The following CHCHD6 variants were observed in gnomAD, a reference collection of about 807,000 sequenced individuals.
CHCHD6 encodes the protein MICOS complex subunit MIC25.
Under a neutral mutation model 32.3 loss-of-function variants are expected in CHCHD6, and 28 were observed. The observed-to-expected ratio is 0.87, with a 90% CI of 0.64 to 1.19. The LOEUF is 1.19. CHCHD6 is among the 50% of genes most tolerant of loss of function. CHCHD6 has a pLI of 0.00. For missense variants in CHCHD6, 333 were observed against 307.0 expected (o/e 1.08, Z -0.63); for synonymous variants, 122 against 117.5 (o/e 1.04, Z -0.25).
intron 4 of CHCHD6, among the ~76,000 whole-genome samples, chr3:126,827,687 G>A (rs1322700166): frequency 6.6e-6 from 1 of 152,190 alleles, no homozygotes; most frequent in African/African-American, 2.4e-5. Flanking sequence ...CACTATTGTT[G>A]TTACAAAGTT....
At chr3:126,706,829 G>A (rs1934509001) in intron 1 of CHCHD6, among the ~76,000 whole-genome samples, 1 of 152,126 alleles carries the variant, frequency 6.6e-6, no homozygotes, top group Admixed American at 6.5e-5. Flanking sequence ...AGTTGCCAAA[G>A]GGAACAAATC....
intron 1 of CHCHD6, among the ~76,000 whole-genome samples, chr3:126,710,588 A>G (rs1345693410): frequency 1.3e-5 from 2 of 152,204 alleles, no homozygotes; most frequent in South Asian, 2.1e-4. Flanking sequence ...CTCTTCATTC[A>G]TTAGATCTTT....
chr3:126,813,045 C>A (rs75073879), intron 4 of CHCHD6, among the ~76,000 whole-genome samples: 1 of 152,038 alleles, frequency 6.6e-6, no homozygotes, highest in Non-Finnish European at 1.5e-5. Flanking sequence ...CATAGTGCTG[C>A]GGAAGGATAT....
At chr3:126,719,019 G>A (rs1054477791) in intron 1 of CHCHD6, among the ~76,000 whole-genome samples, 13 of 152,142 alleles carry the variant, frequency 8.5e-5, no homozygotes, top group African/African-American at 2.9e-4. Flanking sequence ...TGCCCCCTGG[G>A]GTTGCAGCTG....
chr3:126,738,250 G>C (rs186470642), intron 4 of CHCHD6, among the ~76,000 whole-genome samples: 1 of 152,276 alleles, frequency 6.6e-6, no homozygotes, highest in African/African-American at 2.4e-5. Flanking sequence ...TCAACCCACT[G>C]TGGATCGAAG....
intron 5 of CHCHD6, among the ~76,000 whole-genome samples, chr3:126,854,616 A>T (rs1941593425): frequency 6.6e-6 from 1 of 152,138 alleles, no homozygotes; most frequent in Non-Finnish European, 1.5e-5. Context: ...TCATTTGTTG[A>T]ATACTCGCAG....
At chr3:126,739,418 T>C (rs889454510) in intron 4 of CHCHD6, among the ~76,000 whole-genome samples, 2 of 152,212 alleles carry the variant, frequency 1.3e-5, no homozygotes, top group Non-Finnish European at 2.9e-5. Context: ...AAAAAGAGAC[T>C]GTGTACTGGA....
chr3:126,846,766 A>C (rs1414400184), intron 4 of CHCHD6, among the ~76,000 whole-genome samples: 2 of 152,256 alleles, frequency 1.3e-5, no homozygotes, highest in East Asian at 3.9e-4. Context: ...CTGGGCCATT[A>C]ATGTGTCTGG....
chr3:126,755,135 G>C (rs919079044), intron 4 of CHCHD6, among the ~76,000 whole-genome samples: 1 of 152,236 alleles, frequency 6.6e-6, no homozygotes, highest in Non-Finnish European at 1.5e-5. Flanking sequence ...TGCCAGCCAA[G>C]AACATGAGGA....
At chr3:126,863,392 A>ACCT (rs1387679444) in intron 5 of CHCHD6, among the ~76,000 whole-genome samples, 1 of 83,798 alleles carries the variant, frequency 1.2e-5, no homozygotes. Context: ...TACCATCACC[A>ACCT]CCTCCTCCTC....
chr3:126,869,288 C>CTT (rs58408227), intron 5 of CHCHD6, among the ~76,000 whole-genome samples: 2,395 of 108,608 alleles, frequency 0.022, 78 homozygotes, highest in African/African-American at 0.052. Context: ...CACCAGTCTC[C>CTT]TTTTTTTTTT....
chr3:126,747,756 C>G (rs1371860032), intron 4 of CHCHD6, among the ~76,000 whole-genome samples: 1 of 152,200 alleles, frequency 6.6e-6, no homozygotes, highest in Non-Finnish European at 1.5e-5. Context: ...CAGCACCCTC[C>G]TTCCCTTCAT....
At chr3:126,717,497 G>A (rs964775445) in intron 1 of CHCHD6, among the ~76,000 whole-genome samples, 2 of 152,140 alleles carry the variant, frequency 1.3e-5, no homozygotes, top group Non-Finnish European at 2.9e-5. Context: ...AAACCCATAC[G>A]GTGGCATGCA....
intron 1 of CHCHD6, among the ~76,000 whole-genome samples, chr3:126,704,714 C>A (rs1199334068): frequency 6.6e-6 from 1 of 152,160 alleles, no homozygotes; most frequent in Admixed American, 6.5e-5. Flanking sequence ...AATTTGCGCC[C>A]GGCCTCCCAG....
At chr3:126,795,280 T>TA (rs938774259) in intron 4 of CHCHD6, among the ~76,000 whole-genome samples, 1 of 152,236 alleles carries the variant, frequency 6.6e-6, no homozygotes, top group Non-Finnish European at 1.5e-5. Context: ...ATTCTGTTTT[T>TA]ACCTCAGCTT....
At chr3:126,720,224 A>G (rs1466296690) in intron 1 of CHCHD6, among the ~76,000 whole-genome samples, 2 of 152,122 alleles carry the variant, frequency 1.3e-5, no homozygotes, top group African/African-American at 4.8e-5. Flanking sequence ...CTGGTCACGC[A>G]GCCCTTTTCC....
intron 5 of CHCHD6, among the ~76,000 whole-genome samples, chr3:126,877,650 A>G (rs1158435941): frequency 2.0e-5 from 3 of 152,240 alleles, no homozygotes; most frequent in Non-Finnish European, 2.9e-5. Flanking sequence ...ACAACCACAC[A>G]GAAGGAAAAA....
chr3:126,781,228 T>A (rs1365556182), intron 4 of CHCHD6, among the ~76,000 whole-genome samples: 2 of 152,126 alleles, frequency 1.3e-5, no homozygotes, highest in East Asian at 3.9e-4. Context: ...AGGGCGCCAA[T>A]GAACAGTGTC....
At position 126,796,584 on chromosome 3, in the gene CHCHD6, A is replaced by G. The variant is rs755992061; in HGVS notation, c.412-56063A>G. Reference sequence around the variant, plus strand: ...ATCCTCGTCCACACCATGGAGTATCAGTGTACAGTGGCTCCCAAGGCTGTA... The same window carrying G: ...ATCCTCGTCCACACCATGGAGTATCGGTGTACAGTGGCTCCCAAGGCTGTA... On this transcript the variant is annotated intron_variant, in intron 4 of 7. Transcript: ENST00000290913. Among the ~76,000 whole-genome samples the G allele has an allele frequency of 3.3e-5, 5 of 152,138 alleles. No homozygotes were observed. In the East Asian group the frequency reaches 9.6e-4, roughly 29 times the overall value.
Sources: gnomAD v4.1 joint callset for allele counts (sites outside exome capture counted in the v4.1 genomes callset) on GRCh38, gnomAD v4.1.1 for gene constraint, MANE v1.5 for transcripts, NCBI Gene and HGNC (gene_info 2026-07-23, HGNC 2026-07-21) for gene names.